NRG2: variants seen among roughly 807,000 people sequenced by gnomAD.
NRG2 encodes pro-neuregulin-2, membrane-bound isoform.
NRG2 carries 27 observed loss-of-function variants against 73.9 expected under a neutral mutation model. That is an observed-to-expected ratio of 0.37 (90% CI 0.27 to 0.50). The LOEUF (loss-of-function observed/expected upper bound fraction) is 0.50, where lower values mean the gene tolerates loss of function less well. Among genes scored for constraint, NRG2 ranks in the 20% least tolerant of loss-of-function variants. The pLI is 0.96. For synonymous variants in NRG2, 532 were observed against 541.0 expected (o/e 0.98, Z 0.23); for missense variants, 1,126 against 1,210.1 (o/e 0.93, Z 1.03).
intron 3 of NRG2, among the ~76,000 whole-genome samples, chr5:139,876,601 C>T (rs1022650103): frequency 1.3e-5 from 2 of 151,980 alleles, no homozygotes; most frequent in Non-Finnish European, 2.9e-5. Flanking sequence ...GTGACAGTGG[C>T]GGGGTGGGAG....
intron 1 of NRG2, among the ~76,000 whole-genome samples, chr5:139,974,978 C>A (rs1756274281): frequency 6.6e-6 from 1 of 152,250 alleles, no homozygotes; most frequent in Non-Finnish European, 1.5e-5. Flanking sequence ...GCCATGCGCC[C>A]CCTGTGTGGG....
At chr5:139,855,800 GA>G in intron 5 of NRG2, 22 bp from the exon 6 acceptor site, 1 of 1,594,518 alleles carries the variant, frequency 6.3e-7, no homozygotes, top group Non-Finnish European at 8.6e-7. Flanking sequence ...GGGTAGATGT[GA>G]GGGGTGGGGC....
rs564900522 is a variant in NRG2, at chr5:139,872,714, C to T, written c.992-873G>A. Among the ~76,000 whole-genome samples, 3 of 152,346 alleles carry T rather than the reference C, an allele frequency of 2.0e-5. No individual in the cohort carries two copies. The East Asian group carries it at 5.8e-4, about 29-fold the overall frequency. ...TGGGCCTTAAGGCTTCTAGCACAGA[C>T]TGCACGTCCGATTGACTGGACTCAT... is the stretch of plus-strand genomic sequence containing the variant. On this transcript the variant is annotated intron_variant, in intron 3 of 9. Coordinates refer to ENST00000361474, the MANE Select transcript of NRG2 (RefSeq NM_004883.3).
chr5:139,851,673 C>G lies in NRG2; in HGVS notation c.1703G>C (p.Arg568Pro). 1 of 1,614,148 alleles carries G rather than the reference C, an allele frequency of 6.2e-7. No individual in the cohort carries two copies. Among genetic ancestry groups the G allele is most frequent in the Non-Finnish European group, 8.5e-7 (1 of 1,180,032 alleles). Residue 568 changes from arginine (R) to proline (P), a missense_variant, in exon 9 of 10, where the codon CGG (arginine) becomes CCG (proline). Coordinates refer to ENST00000361474, the MANE Select transcript of NRG2 (RefSeq NM_004883.3). This position sits in a 1 kb window ranked among gnomAD's most constrained non-coding sequence, Gnocchi z 4.2. ...RRAAAYNLEE[R>P]RRATAPPYHD... ...ATAGGGTGGCGCGGTGGCCCTGCGC[C>G]GCTCCTCCAGGTTGTAGGCTGCTGC...
chr5:140,019,425 G>C (rs1760046249), intron 1 of NRG2: 1 of 152,256 alleles, frequency 6.6e-6, no homozygotes, highest in Admixed American at 6.5e-5. Context: ...TAATTCGTAA[G>C]AGCAAATAAT....
intron 1 of NRG2, among the ~76,000 whole-genome samples, chr5:139,948,234 A>C (rs1753940434): frequency 6.6e-6 from 1 of 152,212 alleles, no homozygotes; most frequent in South Asian, 2.1e-4. Context: ...CAAAAGAGGC[A>C]GAAGGCTTCT....
At chr5:140,010,669 G>A (rs1011752366) in intron 1 of NRG2, among the ~76,000 whole-genome samples, 5 of 151,968 alleles carry the variant, frequency 3.3e-5, no homozygotes, top group Admixed American at 6.6e-5. Flanking sequence ...TTTATTGTCC[G>A]TGAATAGAAC....
intron 1 of NRG2, among the ~76,000 whole-genome samples, chr5:139,959,128 G>A (rs577180387): frequency 6.6e-6 from 1 of 152,234 alleles, no homozygotes; most frequent in Non-Finnish European, 1.5e-5. Flanking sequence ...GAGAAGGTGA[G>A]CATTGTACAG....
chr5:139,875,497 A>T (rs1173202723), intron 3 of NRG2, among the ~76,000 whole-genome samples: 1 of 152,202 alleles, frequency 6.6e-6, no homozygotes, highest in Non-Finnish European at 1.5e-5. Flanking sequence ...TGGGGGAAAA[A>T]AGTGCCCTGT....
At chr5:139,940,136 A>G (rs935747420) in intron 1 of NRG2, among the ~76,000 whole-genome samples, 1 of 152,240 alleles carries the variant, frequency 6.6e-6, no homozygotes, top group African/African-American at 2.4e-5. Flanking sequence ...ATGTCCACAC[A>G]AAGATTTGTC....
intron 9 of NRG2, among the ~76,000 whole-genome samples, chr5:139,849,466 TC>T (rs1761261222): frequency 6.6e-6 from 1 of 152,112 alleles, no homozygotes; most frequent in African/African-American, 2.4e-5. Context: ...TACAGACCCA[TC>T]CCCACACCAC....
intron 1 of NRG2, among the ~76,000 whole-genome samples, chr5:139,927,786 A>G (rs942364083): frequency 6.9e-5 from 10 of 145,810 alleles, no homozygotes; most frequent in African/African-American, 2.6e-4. Context: ...AAAAAAAAAA[A>G]GTAATCTGGT....
At chr5:139,903,700 C>T (rs927903672) in intron 1 of NRG2, among the ~76,000 whole-genome samples, 1 of 152,230 alleles carries the variant, frequency 6.6e-6, no homozygotes, top group Admixed American at 6.5e-5. Context: ...GAGACAACTG[C>T]CCAATGTCTA....
chr5:139,960,286 G>A (rs1343188787), intron 1 of NRG2, among the ~76,000 whole-genome samples: 6 of 152,158 alleles, frequency 3.9e-5, no homozygotes, highest in South Asian at 2.1e-4. Context: ...AGGTCGAGGC[G>A]GGCAGGTCAC....
At chr5:139,863,125 C>T (rs1484633641) in intron 5 of NRG2, among the ~76,000 whole-genome samples, 1 of 152,148 alleles carries the variant, frequency 6.6e-6, no homozygotes, top group Non-Finnish European at 1.5e-5. Flanking sequence ...TTCATTTCAT[C>T]CTCACAGTAA....
rs1761616266 is a variant in NRG2 at position 139,853,613 on chromosome 5, G to A, written c.1293-586C>T. Among the ~76,000 whole-genome samples the A allele has an allele frequency of 1.3e-5, 2 of 152,232 alleles. No homozygotes were observed. Among genetic ancestry groups the A allele is most frequent in the Admixed American group, 1.3e-4 (2 of 15,284 alleles). ...CCATGAAGAAAATAAAACAGGTGCT[G>A]TGGCTAGGGAGTCAGGGCCTGTGGG... On this transcript the variant is annotated intron_variant, in intron 6 of 9. Coordinates refer to ENST00000361474, the MANE Select transcript of NRG2 (RefSeq NM_004883.3). The surrounding 1 kb of genome is among the most constrained non-coding windows in gnomAD (Gnocchi z 4.1).
intron 1 of NRG2, among the ~76,000 whole-genome samples, chr5:139,987,016 T>C (rs953183362): frequency 6.6e-6 from 1 of 151,878 alleles, no homozygotes; most frequent in Admixed American, 6.6e-5. Flanking sequence ...TGGAAGACTC[T>C]GGTAAGGAAA....
At chr5:139,968,737 G>T (rs1755755336) in intron 1 of NRG2, among the ~76,000 whole-genome samples, 1 of 152,218 alleles carries the variant, frequency 6.6e-6, no homozygotes, top group Non-Finnish European at 1.5e-5. Flanking sequence ...TATTGGACAG[G>T]CTGCCCAGGA....
At chr5:139,892,387 TATCCTGAGCCACC>T (rs145625465) in intron 1 of NRG2, among the ~76,000 whole-genome samples, 3 of 152,164 alleles carry the variant, frequency 2.0e-5, no homozygotes, top group Non-Finnish European at 4.4e-5. Flanking sequence ...AGCTCATTCT[TATCCTGAGCCACC>T]ATCCTTTCTC....
Sources: gnomAD v4.1 joint callset for allele counts (sites outside exome capture counted in the v4.1 genomes callset) on GRCh38, gnomAD v4.1.1 for gene constraint, Gnocchi (gnomAD v3.1) non-coding constraint, MANE v1.5 for transcripts, NCBI Gene and HGNC (gene_info 2026-07-23, HGNC 2026-07-21) for gene names.